The following COX6C variants were observed in gnomAD, a reference collection of about 807,000 sequenced individuals.
COX6C encodes cytochrome c oxidase subunit 6C, also known as cytochrome c oxidase polypeptide VIc.
Under a neutral mutation model 6.9 loss-of-function variants are expected in COX6C, and 3 were observed. The observed-to-expected ratio is 0.43, with a 90% confidence interval of 0.20 to 1.12. The LOEUF (loss-of-function observed/expected upper bound fraction) is 1.12. Ranked by LOEUF, COX6C falls within the 50% of genes most tolerant of loss-of-function variation. The probability of loss-of-function intolerance (pLI) is 0.27; values close to 1 mark genes in which losing one functional copy is unlikely to be tolerated. For missense variants in COX6C, 101 were observed against 97.3 expected, an observed-to-expected ratio of 1.04 and a Z score of -0.16; for synonymous variants, 32 against 32.0, an observed-to-expected ratio of 1.00 and a Z score of 0.00.
At chr8:99,879,260 T>C (rs1817815980) in intron 3 of COX6C, among the ~76,000 whole-genome samples, 1 of 152,184 alleles carries the variant, frequency 6.6e-6, no homozygotes, top group East Asian at 1.9e-4. Flanking sequence ...ACACTGTCCA[T>C]GAGGCATAAG....
chr8:99,888,355 A>G (rs771819502), intron 2 of COX6C, among the ~76,000 whole-genome samples: 11 of 151,940 alleles, frequency 7.2e-5, no homozygotes, highest in East Asian at 3.9e-4. Context: ...GGCGAATCAC[A>G]AGGTCAGGAA....
rs529291869 is a variant in COX6C, at chr8:99,888,807, A to G, written c.115-1189T>C. ...GAGCTGCACATTTGCCCACCCTTTC[A>G]GGACTGATTCTTTTTGAGTAATGGC... On this transcript the variant is annotated intron_variant, in intron 2 of 3. Coordinates refer to ENST00000520468, the MANE Select transcript of COX6C (RefSeq NM_004374.4). 3.3e-5 allele frequency among the ~76,000 whole-genome samples: 5 copies of G among 152,284 alleles called. No homozygotes were observed. In the South Asian group the frequency reaches 1.0e-3, roughly 32 times the overall value.
intron 2 of COX6C, among the ~76,000 whole-genome samples, chr8:99,890,007 T>C (rs1053679779): frequency 2.6e-5 from 4 of 151,392 alleles, no homozygotes; most frequent in African/African-American, 9.7e-5. Flanking sequence ...GGCAGGAGAA[T>C]GGCGTGAACC....
chr8:99,892,787 A>C (rs577333777), intron 1 of COX6C, among the ~76,000 whole-genome samples: 8 of 152,312 alleles, frequency 5.3e-5, no homozygotes, highest in African/African-American at 1.7e-4. Context: ...CAACAAGAAA[A>C]ATAAGCAGTA....
chr8:99,891,824 T>C, intron 2 of COX6C, 84 bp downstream of exon 2: 3 of 1,169,860 alleles, frequency 2.6e-6, no homozygotes, highest in African/African-American at 1.5e-5. Flanking sequence ...AGAAACACAT[T>C]ACAAGGGGGA....
chr8:99,888,533 C>T (rs535736534), intron 2 of COX6C, among the ~76,000 whole-genome samples: 133 of 152,266 alleles, frequency 8.7e-4, no homozygotes, highest in Non-Finnish European at 1.6e-3. Flanking sequence ...GAGATGGTGA[C>T]GCTGCACTCT....
At chr8:99,879,266 A>G (rs1817816437) in intron 3 of COX6C, among the ~76,000 whole-genome samples, 1 of 152,224 alleles carries the variant, frequency 6.6e-6, no homozygotes, top group Non-Finnish European at 1.5e-5. Context: ...TCCATGAGGC[A>G]TAAGGACCTT....
chr8:99,884,792 G>A (rs1315300814), intron 3 of COX6C, among the ~76,000 whole-genome samples: 2 of 152,122 alleles, frequency 1.3e-5, no homozygotes. Flanking sequence ...CATAGTAAGA[G>A]AGTAGCAACA....
chr8:99,892,331 T>C (rs528466240), intron 1 of COX6C, among the ~76,000 whole-genome samples: 5 of 152,256 alleles, frequency 3.3e-5, no homozygotes, highest in South Asian at 4.1e-4. Context: ...AGGCAATTCC[T>C]AAACTGTTTA....
In COX6C at chr8:99,893,633, A is replaced by C. The variant is rs1163219809; in HGVS notation, c.-32+6T>G. On this transcript the variant is annotated splice_donor_region_variant and intron_variant, in intron 1 of 3. Transcript: ENST00000520468. ...GGGGTAGGGATGCAAAAGGGACCGG[A>C]CTCACCTCAACACCAACGTCCTTCC... 1.3e-5 allele frequency: 2 copies of C among 152,288 alleles called. No homozygotes were observed. The highest frequency in any genetic ancestry group is 2.9e-5 in the Non-Finnish European group (2 of 68,092). 9.4% of individuals were successfully genotyped at this position (152,288 alleles called of 1,614,324 possible).
chr8:99,888,394 A>G (rs931742743), intron 2 of COX6C, among the ~76,000 whole-genome samples: 1 of 152,052 alleles, frequency 6.6e-6, no homozygotes, highest in Non-Finnish European at 1.5e-5. Flanking sequence ...AACATGATGA[A>G]ACCCCATCTC....
At chr8:99,879,001 T>TA (rs149737984) in intron 3 of COX6C, among the ~76,000 whole-genome samples, 106 of 152,372 alleles carry the variant, frequency 7.0e-4, no homozygotes, top group African/African-American at 2.5e-3. Context: ...CTGAAATGCT[T>TA]ATTTAGGAAC....
intron 2 of COX6C, 32 bp from the exon 3 acceptor site, chr8:99,887,650 T>C (rs1817965314): frequency 7.0e-7 from 1 of 1,426,860 alleles, no homozygotes; most frequent in Admixed American, 2.2e-5. Context: ...GAGTTTATTT[T>C]TCAGATTACT....
At chr8:99,885,175 T>A (rs2131005738) in intron 3 of COX6C, among the ~76,000 whole-genome samples, 1 of 152,334 alleles carries the variant, frequency 6.6e-6, no homozygotes, top group East Asian at 1.9e-4. Context: ...CTACCCACAG[T>A]CAACTGTGGT....
At chr8:99,883,419 GTGTGTATATATGTA>G (rs1817894293) in intron 3 of COX6C, among the ~76,000 whole-genome samples, 1 of 149,294 alleles carries the variant, frequency 6.7e-6, no homozygotes, top group African/African-American at 2.5e-5. Context: ...ATATGTGTGT[GTGTGTATATATGTA>G]TGTGTGTGTG....
intron 3 of COX6C, among the ~76,000 whole-genome samples, chr8:99,885,332 C>A (rs1179334834): frequency 6.6e-6 from 1 of 152,104 alleles, no homozygotes; most frequent in Non-Finnish European, 1.5e-5. Context: ...TAGGTATGTA[C>A]GTACACGAAA....
At position 99,880,798 on chromosome 8, in the gene COX6C, C is replaced by T. The variant is rs140428191; in HGVS notation, c.*16-2533G>A. ...CCAAGCAGACCAATATAGGTATTAC[C>T]GAGTCCCAGAAGAGAAAAAGGGCAG... On this transcript the variant is annotated intron_variant, in intron 3 of 3. Transcript: ENST00000520468. 1.6e-3 allele frequency among the ~76,000 whole-genome samples: 243 copies of T among 151,486 alleles called. 2 individuals are homozygous for T. The East Asian group carries it at 0.043, about 27-fold the overall frequency.
At chr8:99,879,026 T>C (rs982131429) in intron 3 of COX6C, among the ~76,000 whole-genome samples, 1 of 152,242 alleles carries the variant, frequency 6.6e-6, no homozygotes, top group African/African-American at 2.4e-5. Flanking sequence ...CCTGACAAAA[T>C]AGCAGTTTCA....
intron 3 of COX6C, chr8:99,885,923 C>CA (rs1265651726): frequency 6.6e-6 from 1 of 151,960 alleles, no homozygotes; most frequent in Non-Finnish European, 1.5e-5. Flanking sequence ...AACCAATAAA[C>CA]AAAAAACCAA....
Sources: allele counts gnomAD v4.1 joint callset (sites outside exome capture counted in the v4.1 genomes callset), GRCh38; gene constraint gnomAD v4.1.1; transcripts MANE v1.5; gene names NCBI Gene and HGNC (gene_info 2026-07-23, HGNC 2026-07-21).